NEB: variants seen among roughly 807,000 people sequenced by gnomAD.
NEB encodes the protein nemaline myopathy type 2.
A neutral mutation model predicts 952.2 loss-of-function variants in NEB; 512 were observed. The ratio of observed to expected loss-of-function variants is 0.54; its 90% CI spans 0.50 to 0.58. The LOEUF (loss-of-function observed/expected upper bound fraction) is 0.58. Among genes scored for constraint, NEB ranks in the 20% least tolerant of loss-of-function variants. The probability of loss-of-function intolerance (pLI) is 0.00; values close to 1 mark genes in which losing one functional copy is unlikely to be tolerated. For missense variants in NEB, 8,428 were observed against 9,231.1 expected, an observed-to-expected ratio of 0.91 and a Z score of 3.56; for synonymous variants, 2,900 against 3,149.8, an observed-to-expected ratio of 0.92 and a Z score of 2.66.
Position 151,614,560 on chromosome 2 carries a change from G to C in NEB, c.11317C>G (p.Gln3773Glu). Residue 3773 changes from glutamine to glutamate, a missense_variant, in exon 77 of 182, where the codon CAG becomes GAG. Transcript: ENST00000397345. ...DYKYKEGYRK[Q>E]LGHHIGARNI... The stretch of plus-strand genomic sequence containing the variant: ...CGGGCCCCAATATGGTGGCCAAGCT[G>C]TTTGCGGTAGCCTTCCTTGTACTTG... The C allele has an allele frequency of 6.2e-7, 1 of 1,613,726 alleles. No individual in the cohort carries two copies. Among genetic ancestry groups the C allele is most frequent in the Non-Finnish European group, 8.5e-7 (1 of 1,179,724 alleles).
intron 40 of NEB, among the ~76,000 whole-genome samples, chr2:151,667,292 C>T (rs2099231435): frequency 6.6e-6 from 1 of 151,564 alleles, no homozygotes; most frequent in Non-Finnish European, 1.5e-5. Flanking sequence ...TGACAAAATC[C>T]AAATAAAAAG....
chr2:151,691,389 C>A (rs1433176935), intron 23 of NEB, among the ~76,000 whole-genome samples: 1 of 152,156 alleles, frequency 6.6e-6, no homozygotes, highest in Non-Finnish European at 1.5e-5. Flanking sequence ...TATTTTAATT[C>A]TGTATCATCA....
chr2:151,649,979 A>AATAAATAAAT (rs2099012704), intron 54 of NEB, among the ~76,000 whole-genome samples, 197 bp downstream of exon 54: 1 of 152,210 alleles, frequency 6.6e-6, no homozygotes, highest in Admixed American at 6.5e-5. Flanking sequence ...TTGGGTGACA[A>AATAAATAAAT]AAACTGACAC....
intron 3 of NEB, among the ~76,000 whole-genome samples, chr2:151,731,299 GT>G (rs2099807705): frequency 6.6e-6 from 1 of 152,102 alleles, no homozygotes; most frequent in Non-Finnish European, 1.5e-5. Flanking sequence ...TTTTAGAGCT[GT>G]GCCACTAATT....
chr2:151,529,146 G>A (rs2088777395), intron 146 of NEB, 64 bp downstream of exon 146: 2 of 1,056,260 alleles, frequency 1.9e-6, no homozygotes, highest in Admixed American at 1.8e-5. Flanking sequence ...TGTAAAAAGA[G>A]GCCATGTGTC....
chr2:151,487,773 A>G (rs2052239910), intron 181 of NEB, among the ~76,000 whole-genome samples: 1 of 152,120 alleles, frequency 6.6e-6, no homozygotes, highest in African/African-American at 2.4e-5. Flanking sequence ...ACACATATAT[A>G]TATATGTATA....
intron 172 of NEB, 33 bp downstream of exon 172, chr2:151,496,908 G>C: frequency 6.6e-7 from 1 of 1,505,078 alleles, no homozygotes; most frequent in Non-Finnish European, 9.0e-7. Context: ...TTTAAAATCA[G>C]TAAGTAGTTT....
chr2:151,674,986 G>A (rs2099347939), intron 35 of NEB, among the ~76,000 whole-genome samples: 1 of 152,120 alleles, frequency 6.6e-6, no homozygotes, highest in Non-Finnish European at 1.5e-5. Context: ...TTATTCTTAT[G>A]TTTCTGGAGG....
In NEB at chr2:151,506,844, T is replaced by G. The variant is rs901916322; in HGVS notation, c.23556+65A>C. 9 of 1,060,084 alleles carry G rather than the reference T, an allele frequency of 8.5e-6. No homozygotes were observed. In the African/African-American group the frequency reaches 1.4e-4, roughly 17 times the overall value. 65.7% of individuals were successfully genotyped at this position (1,060,084 alleles called of 1,614,324 possible). On this transcript the variant is annotated intron_variant, in intron 163 of 181. Coordinates refer to ENST00000397345, the MANE Select transcript of NEB (RefSeq NM_001164508.2). ...TGTGTGTATCAATATAAGGCTAGTA[T>G]ATTTTTAAAGAGGAGAGTGAAATGA... is the stretch of plus-strand genomic sequence containing the variant.
intron 118 of NEB, 38 bp from the exon 119 acceptor site, chr2:151,563,757 TC>T (rs2096230586): frequency 6.2e-7 from 1 of 1,605,708 alleles, no homozygotes; most frequent in Non-Finnish European, 8.5e-7. Context: ...CGCTGGAGTT[TC>T]CTAACCAGCC....
Position 151,677,867 on chromosome 2 carries a change from G to T in NEB, c.3567+9C>A. 1.2e-6 allele frequency: 2 copies of T among 1,606,420 alleles called. No homozygotes were observed. Among genetic ancestry groups the T allele is most frequent in the South Asian group, 1.1e-5 (1 of 90,094 alleles). Reference sequence around the variant, plus strand: ...TAGGGGGGTTTCTTGAGAAGTAAATGACACTTACATCACTCTGTATCTGCA... The same window carrying T: ...TAGGGGGGTTTCTTGAGAAGTAAATTACACTTACATCACTCTGTATCTGCA... On this transcript the variant is annotated intron_variant, in intron 33 of 181. Transcript: ENST00000397345.
At chr2:151,697,714 CA>C (rs1472426107) in intron 13 of NEB, 66 bp from the exon 14 acceptor site, 5 of 971,868 alleles carry the variant, frequency 5.1e-6, no homozygotes, top group Non-Finnish European at 7.8e-6. Flanking sequence ...ATAACACTTA[CA>C]TTTTCTAACA....
At chr2:151,513,458 G>A in intron 160 of NEB, 122 bp downstream of exon 160, 1 of 710,082 alleles carries the variant, frequency 1.4e-6, no homozygotes, top group East Asian at 2.7e-5. Context: ...CCAGGCAGAT[G>A]TTCAAGAATG....
chr2:151,488,998 A>G (rs76787276), intron 181 of NEB, among the ~76,000 whole-genome samples: 1,580 of 152,250 alleles, frequency 0.01, 25 homozygotes, highest in African/African-American at 0.036. Context: ...TATCATTTTC[A>G]AATTTTACTT....
chr2:151,548,390 T>C lies in NEB; in HGVS notation c.20075A>G (p.His6692Arg). The C allele has an allele frequency of 6.2e-7, 1 of 1,613,580 alleles. No homozygotes were observed. The highest frequency in any genetic ancestry group is 8.5e-7 in the Non-Finnish European group (1 of 1,179,530). ...AAGTGTATACCCATATGCCTTGGTG[T>C]GTTCATAGGCTTCTTTGTACTTGAA... The part of the protein sequence containing the change: ...SYFKYKEAYE[H>R]TKAYGYTLGP... Residue 6692 changes from histidine to arginine, a missense_variant, in exon 131 of 182, where the codon CAC becomes CGC. Transcript: ENST00000397345.
rs2153726712 is a variant in NEB, at chr2:151,565,080, G to A, written c.18435C>T (p.Ile6145=). 1.9e-6 allele frequency: 3 copies of A among 1,597,342 alleles called. No homozygotes were observed. The highest frequency in any genetic ancestry group is 2.6e-6 in the Non-Finnish European group (3 of 1,166,588). ...KYTFSPDTPH[I]SHSKDMGKLY... ...GTTTTCCCATGTCTTTGGAGTGGGA[G>A]ATATGTGGTGTATCTGGTGAAAACG... The change falls in exon 117 of 182, where the codon ATC becomes ATT. Residue 6145 remains isoleucine, a synonymous_variant. Transcript: ENST00000397345.
At chr2:151,543,110 C>T (rs771940822) in intron 135 of NEB, among the ~76,000 whole-genome samples, 4 of 152,228 alleles carry the variant, frequency 2.6e-5, no homozygotes, top group Non-Finnish European at 2.9e-5. Flanking sequence ...GTTTCTTCTC[C>T]GAGACTAGGG....
At chr2:151,577,613 C>T (rs780911335) in intron 105 of NEB, among the ~76,000 whole-genome samples, 1 of 152,164 alleles carries the variant, frequency 6.6e-6, no homozygotes, top group Non-Finnish European at 1.5e-5. Flanking sequence ...CGGAGTCTCA[C>T]TCTGCCACCC....
In NEB at chr2:151,583,674, A is replaced by G; in HGVS notation, c.15756T>C (p.His5252=). 1 of 415,168 alleles carries G rather than the reference A, an allele frequency of 2.4e-6. No individual in the cohort carries two copies. The highest frequency in any genetic ancestry group is 4.0e-6 in the Non-Finnish European group (1 of 248,844). 25.7% of individuals were successfully genotyped at this position (415,168 alleles called of 1,614,324 possible). The change falls in exon 101 of 182, where the codon CAT becomes CAC. Residue 5252 remains histidine, a synonymous_variant. Coordinates refer to ENST00000397345, the MANE Select transcript of NEB (RefSeq NM_001164508.2). ...CTCTGTCACTCTGGATCTTGGCAGC[A>G]TGTATAGCCCATACTGACTTGGGGT... The part of the protein sequence containing the change: ...QDDPKSVWAI[H]AAKIQSDREY...
Sources: gnomAD v4.1 joint callset for allele counts (sites outside exome capture counted in the v4.1 genomes callset) on GRCh38, gnomAD v4.1.1 for gene constraint, MANE v1.5 for transcripts, NCBI Gene and HGNC (gene_info 2026-07-23, HGNC 2026-07-21) for gene names.